The following RPRD1A variants were observed in gnomAD, a reference collection of about 807,000 sequenced individuals.
RPRD1A encodes regulation of nuclear pre-mRNA domain-containing protein 1A.
In RPRD1A, 9 loss-of-function variants were observed where a neutral mutation model predicts 37.8. That is an observed-to-expected ratio of 0.24 (90% CI 0.14 to 0.42). RPRD1A has a LOEUF of 0.42. Ranked by LOEUF, RPRD1A falls within the 10% of genes least tolerant of loss-of-function variation. The probability of loss-of-function intolerance (pLI) is 1.00; values close to 1 mark genes in which losing one functional copy is unlikely to be tolerated. For synonymous variants in RPRD1A, 138 were observed against 139.7 expected, an observed-to-expected ratio of 0.99 and a Z score of 0.08; for missense variants, 255 against 371.0, an observed-to-expected ratio of 0.69 and a Z score of 2.57.
At chr18:36,008,170 G>A (rs763437683) in intron 6 of RPRD1A, among the ~76,000 whole-genome samples, 1 of 151,876 alleles carries the variant, frequency 6.6e-6, no homozygotes, top group African/African-American at 2.4e-5. Context: ...TATTTAGCTG[G>A]GAGAGGCTAC....
intron 6 of RPRD1A, among the ~76,000 whole-genome samples, chr18:36,018,116 G>A (rs1322191631): frequency 6.6e-6 from 1 of 152,098 alleles, no homozygotes; most frequent in East Asian, 1.9e-4. Flanking sequence ...TTAAGTACTG[G>A]ACTCTGCTAA....
intron 6 of RPRD1A, among the ~76,000 whole-genome samples, chr18:36,015,173 T>TACACAC (rs368940718): frequency 0.032 from 4,175 of 130,854 alleles, 123 homozygotes; most frequent in African/African-American, 0.08. Context: ...TACACATATA[T>TACACAC]ACACACACAC....
At chr18:36,056,048 T>C (rs1913744250) in intron 1 of RPRD1A, among the ~76,000 whole-genome samples, 1 of 152,072 alleles carries the variant, frequency 6.6e-6, no homozygotes, top group African/African-American at 2.4e-5. Flanking sequence ...CTAACAAACA[T>C]AAATTTATAA....
intron 4 of RPRD1A, 121 bp from the exon 5 acceptor site, chr18:36,027,431 T>C (rs1245550034): frequency 9.7e-7 from 1 of 1,027,262 alleles, no homozygotes; most frequent in East Asian, 2.4e-5. Context: ...TAATATAAAC[T>C]GCTTTTGAAG....
intron 1 of RPRD1A, among the ~76,000 whole-genome samples, chr18:36,051,307 G>A (rs8087364): frequency 0.17 from 25,754 of 152,018 alleles, 2,319 homozygotes; most frequent in East Asian, 0.25. Flanking sequence ...CCCTAAAAGG[G>A]TCTTGGTGAT....
intron 6 of RPRD1A, among the ~76,000 whole-genome samples, chr18:35,995,188 A>G (rs564194092): frequency 6.6e-6 from 1 of 151,618 alleles, no homozygotes; most frequent in Admixed American, 6.6e-5. Context: ...TACCACTCAC[A>G]TCCATTATCT....
At chr18:36,030,751 C>A in intron 4 of RPRD1A, 57 bp downstream of exon 4, 1 of 1,038,326 alleles carries the variant, frequency 9.6e-7, no homozygotes, top group Non-Finnish European at 1.5e-6. Context: ...ATTAATAAAG[C>A]TTGGTGGCAA....
At chr18:36,047,460 G>A (rs995136586) in intron 1 of RPRD1A, among the ~76,000 whole-genome samples, 1 of 152,020 alleles carries the variant, frequency 6.6e-6, no homozygotes, top group African/African-American at 2.4e-5. Context: ...CAAGTAAAAG[G>A]AATGAAATAA....
intron 1 of RPRD1A, among the ~76,000 whole-genome samples, chr18:36,052,570 G>A (rs1913476460): frequency 6.6e-6 from 1 of 152,086 alleles, no homozygotes. Flanking sequence ...GTTTTTGTAT[G>A]CTATTGAAGA....
chr18:36,012,154 A>T (rs1432906024), intron 6 of RPRD1A, among the ~76,000 whole-genome samples: 1 of 152,182 alleles, frequency 6.6e-6, no homozygotes, highest in Non-Finnish European at 1.5e-5. Flanking sequence ...CTGTAAGACT[A>T]TAATGAAGCT....
intron 6 of RPRD1A, among the ~76,000 whole-genome samples, chr18:36,023,240 T>C (rs539343520): frequency 6.6e-6 from 1 of 152,340 alleles, no homozygotes; most frequent in East Asian, 1.9e-4. Context: ...CATTCATGAT[T>C]CATGGGAGGA....
At chr18:36,051,635 T>C (rs942581110) in intron 1 of RPRD1A, among the ~76,000 whole-genome samples, 2 of 152,212 alleles carry the variant, frequency 1.3e-5, no homozygotes, top group Non-Finnish European at 2.9e-5. Flanking sequence ...TGCTAGGTTC[T>C]GAGGGAATAA....
intron 1 of RPRD1A, chr18:36,040,738 C>A: frequency 1.1e-6 from 1 of 886,214 alleles, no homozygotes; most frequent in African/African-American, 1.7e-5. Context: ...ATCTAATCAT[C>A]CCTAAAAATT....
intron 6 of RPRD1A, among the ~76,000 whole-genome samples, chr18:36,018,978 A>C (rs1910796916): frequency 1.3e-5 from 2 of 152,124 alleles, no homozygotes; most frequent in Non-Finnish European, 2.9e-5. Flanking sequence ...GCAAAGCAAA[A>C]AGCTCTGATT....
intron 6 of RPRD1A, among the ~76,000 whole-genome samples, chr18:36,020,462 C>T (rs1399042028): frequency 9.9e-5 from 15 of 152,086 alleles, no homozygotes. Context: ...ATTCAGAAAT[C>T]ATCAAAGAAG....
intron 6 of RPRD1A, among the ~76,000 whole-genome samples, chr18:36,017,332 A>G (rs576228479): frequency 6.6e-6 from 1 of 152,106 alleles, no homozygotes; most frequent in African/African-American, 2.4e-5. Flanking sequence ...CACTGCTACC[A>G]CCCACTGTAG....
At chr18:36,035,391 A>G (rs1282137036) in intron 1 of RPRD1A, among the ~76,000 whole-genome samples, 1 of 152,164 alleles carries the variant, frequency 6.6e-6, no homozygotes, top group Non-Finnish European at 1.5e-5. Context: ...AATCCTAACA[A>G]TATGTCTCTA....
At chr18:36,064,265 G>A (rs1333268784) in intron 1 of RPRD1A, 1 of 152,228 alleles carries the variant, frequency 6.6e-6, no homozygotes, top group East Asian at 1.9e-4. Flanking sequence ...GCGCCGGCAG[G>A]AGCCTGGGCT....
At chr18:36,057,651 T>C (rs1913888784) in intron 1 of RPRD1A, among the ~76,000 whole-genome samples, 1 of 152,162 alleles carries the variant, frequency 6.6e-6, no homozygotes, top group Non-Finnish European at 1.5e-5. Flanking sequence ...TCTAAATGTG[T>C]ATTATCCTGT....
Sources: gnomAD v4.1 joint callset for allele counts (sites outside exome capture counted in the v4.1 genomes callset) on GRCh38, gnomAD v4.1.1 for gene constraint, MANE v1.5 for transcripts, NCBI Gene and HGNC (gene_info 2026-07-23, HGNC 2026-07-21) for gene names.